RANBP17: variants seen among roughly 807,000 people sequenced by gnomAD.
RANBP17 encodes ran-binding protein 17.
A neutral mutation model predicts 141.2 loss-of-function variants in RANBP17; 158 were observed. That is an observed-to-expected ratio of 1.12 (90% CI 0.98 to 1.28). The LOEUF is 1.28. RANBP17 is among the 50% of genes most tolerant of loss of function. The pLI is 0.00. For synonymous variants in RANBP17, 430 were observed against 450.0 expected, an observed-to-expected ratio of 0.96 and a Z score of 0.56; for missense variants, 1,438 against 1,290.7, an observed-to-expected ratio of 1.11 and a Z score of -1.75.
chr5:171,250,790 A>G (rs930780958), intron 24 of RANBP17, among the ~76,000 whole-genome samples: 1 of 152,216 alleles, frequency 6.6e-6, no homozygotes, highest in African/African-American at 2.4e-5. Context: ...GCAAGAGACT[A>G]TAGCAGTTCT....
chr5:171,039,960 A>G (rs887052135), intron 14 of RANBP17, among the ~76,000 whole-genome samples: 1 of 152,180 alleles, frequency 6.6e-6, no homozygotes, highest in Non-Finnish European at 1.5e-5. Flanking sequence ...AAGAGCTGGT[A>G]CAAACTCTAC....
chr5:171,010,448 A>T (rs191395687), intron 14 of RANBP17, among the ~76,000 whole-genome samples: 109 of 152,312 alleles, frequency 7.2e-4, no homozygotes, highest in African/African-American at 2.5e-3. Flanking sequence ...TGTCTGTAAG[A>T]ATAAAATTCA....
intron 25 of RANBP17, among the ~76,000 whole-genome samples, chr5:171,269,978 TC>T (rs1317656537): frequency 3.3e-5 from 5 of 152,162 alleles, no homozygotes; most frequent in Non-Finnish European, 5.9e-5. Flanking sequence ...GAACTGTTTT[TC>T]CCCCCAACCT....
intron 14 of RANBP17, among the ~76,000 whole-genome samples, chr5:171,075,114 A>C (rs1000723177): frequency 2.6e-5 from 4 of 152,206 alleles, no homozygotes; most frequent in Non-Finnish European, 2.9e-5. Flanking sequence ...TAGCGTTCCA[A>C]TAATGGAACA....
At chr5:171,188,105 A>G (rs1761392634) in intron 18 of RANBP17, among the ~76,000 whole-genome samples, 2 of 152,230 alleles carry the variant, frequency 1.3e-5, no homozygotes, top group African/African-American at 2.4e-5. Context: ...GTTGAGAGAC[A>G]TGCAACTAGA....
intron 14 of RANBP17, among the ~76,000 whole-genome samples, chr5:171,061,552 T>C (rs2127672874): frequency 6.6e-6 from 1 of 152,334 alleles, no homozygotes; most frequent in South Asian, 2.1e-4. Flanking sequence ...TCTGATCTTT[T>C]ACATTTGCTG....
chr5:170,995,384 C>T (rs1033899531), intron 14 of RANBP17, among the ~76,000 whole-genome samples: 1 of 151,964 alleles, frequency 6.6e-6, no homozygotes, highest in African/African-American at 2.4e-5. Flanking sequence ...ATTTTGTAAC[C>T]TACTTTTATT....
At chr5:171,260,676 A>G (rs1204973181) in intron 24 of RANBP17, among the ~76,000 whole-genome samples, 1 of 152,128 alleles carries the variant, frequency 6.6e-6, no homozygotes, top group African/African-American at 2.4e-5. Flanking sequence ...ATCAGAAAGC[A>G]TTATATACTT....
At chr5:170,915,833 G>A (rs1771905262) in intron 8 of RANBP17, among the ~76,000 whole-genome samples, 1 of 151,774 alleles carries the variant, frequency 6.6e-6, no homozygotes, top group Non-Finnish European at 1.5e-5. Context: ...TTTCTTTTTG[G>A]TAGAAAACCT....
Position 171,233,941 on chromosome 5 carries a change from C to A in RANBP17, c.2423-6987C>A, listed in dbSNP as rs542264065. Among the ~76,000 whole-genome samples the A allele has an allele frequency of 1.1e-4, 16 of 152,184 alleles. 1 individual carries two copies. In the South Asian group the frequency reaches 3.3e-3, roughly 32 times the overall value. On this transcript the variant is annotated intron_variant, in intron 22 of 27. Transcript: ENST00000523189. ...TCCAGATTGTAACAAATGCACCACT[C>A]TAGTGGGGGATGTTGATAGTAGGGA...
At chr5:171,115,772 A>T (rs991557470) in intron 14 of RANBP17, among the ~76,000 whole-genome samples, 2 of 152,216 alleles carry the variant, frequency 1.3e-5, no homozygotes, top group Non-Finnish European at 2.9e-5. Flanking sequence ...GAATTCATAG[A>T]TGACAGTTTG....
intron 14 of RANBP17, among the ~76,000 whole-genome samples, chr5:170,978,459 A>C (rs1777539719): frequency 1.3e-5 from 2 of 152,168 alleles, no homozygotes; most frequent in South Asian, 4.1e-4. Context: ...GTCTGTCAGC[A>C]GTCAAATGGA....
At position 171,063,988 on chromosome 5, in the gene RANBP17, G is replaced by C. The variant is rs535209446; in HGVS notation, c.1710+95611G>C. 9.5e-4 allele frequency among the ~76,000 whole-genome samples: 144 copies of C among 152,328 alleles called. 2 individuals are homozygous for C. Among genetic ancestry groups the C allele is most frequent in the African/African-American group, 3.4e-3 (142 of 41,582 alleles). Reference sequence around the variant, plus strand: ...AGCCAGGTGCGGGATATAATCTCCTGGTGCACTGTTTGTTAAGCCCATCGG... The same window carrying C: ...AGCCAGGTGCGGGATATAATCTCCTCGTGCACTGTTTGTTAAGCCCATCGG... On this transcript the variant is annotated intron_variant, in intron 14 of 27. Coordinates refer to ENST00000523189, the MANE Select transcript of RANBP17 (RefSeq NM_022897.5).
At chr5:170,897,344 C>A in intron 5 of RANBP17, 1 of 509,888 alleles carries the variant, frequency 2.0e-6, no homozygotes. Context: ...TGGCACATTT[C>A]TTCTTCTTCT....
intron 21 of RANBP17, 36 bp from the exon 22 acceptor site, chr5:171,221,722 C>A: frequency 8.0e-7 from 1 of 1,244,566 alleles, no homozygotes; most frequent in Non-Finnish European, 1.2e-6. Context: ...GTTTCTTTAT[C>A]TTCACATATA....
chr5:170,962,832 A>C (rs1178564336), intron 13 of RANBP17, among the ~76,000 whole-genome samples: 3 of 152,202 alleles, frequency 2.0e-5, no homozygotes, highest in Non-Finnish European at 4.4e-5. Context: ...TTTATTTATA[A>C]ATATAGGAAA....
At chr5:171,239,404 A>T (rs1181027441) in intron 22 of RANBP17, among the ~76,000 whole-genome samples, 1 of 152,160 alleles carries the variant, frequency 6.6e-6, no homozygotes, top group Non-Finnish European at 1.5e-5. Flanking sequence ...TACACATGTG[A>T]TTACCATAAT....
At chr5:171,089,394 G>A (rs1177695730) in intron 14 of RANBP17, among the ~76,000 whole-genome samples, 105 of 151,566 alleles carry the variant, frequency 6.9e-4, no homozygotes, top group Non-Finnish European at 1.1e-3. Context: ...AGTTTGCAGA[G>A]GTTACTGCTG....
chr5:170,922,618 A>G (rs1197981544), intron 11 of RANBP17, among the ~76,000 whole-genome samples: 1 of 152,114 alleles, frequency 6.6e-6, no homozygotes, highest in Non-Finnish European at 1.5e-5. Context: ...CGTGGGACCC[A>G]CTGAGCCAGG....
Sources: gnomAD v4.1 joint callset for allele counts (sites outside exome capture counted in the v4.1 genomes callset) on GRCh38, gnomAD v4.1.1 for gene constraint, MANE v1.5 for transcripts, NCBI Gene and HGNC (gene_info 2026-07-23, HGNC 2026-07-21) for gene names.